The following CELF2 variants were observed in gnomAD, a reference collection of about 807,000 sequenced individuals.
CELF2 encodes the protein CUG triplet repeat RNA-binding protein 2.
In CELF2, 8 loss-of-function variants were observed where a neutral mutation model predicts 62.6. The ratio of observed to expected loss-of-function variants is 0.13; its 90% CI spans 0.07 to 0.23. The LOEUF (loss-of-function observed/expected upper bound fraction) is 0.23. Ranked by LOEUF, CELF2 falls within the 10% of genes least tolerant of loss-of-function variation. The pLI, the probability that CELF2 is intolerant of heterozygous loss-of-function variation, is 1.00. For missense variants in CELF2, 333 were observed against 671.0 expected, an observed-to-expected ratio of 0.50 and a Z score of 5.56; for synonymous variants, 258 against 250.0, an observed-to-expected ratio of 1.03 and a Z score of -0.30.
At chr10:10,595,724 C>T in the CELF2 span, among the ~76,000 whole-genome samples, 2 of 152,058 alleles carry the variant, frequency 1.3e-5, no homozygotes, top group Non-Finnish European at 2.9e-5. Context: ...GTGAAACCCC[C>T]ATCTCTACAA....
the CELF2 span, among the ~76,000 whole-genome samples, chr10:10,789,906 ACTC>A: frequency 6.6e-6 from 1 of 152,078 alleles, no homozygotes; most frequent in Non-Finnish European, 1.5e-5. Context: ...ATTTTTATGA[ACTC>A]AAACATGAAC....
the CELF2 span, among the ~76,000 whole-genome samples, chr10:10,637,128 G>C: frequency 6.6e-6 from 1 of 152,112 alleles, no homozygotes; most frequent in Non-Finnish European, 1.5e-5. Context: ...AACCCAGCTA[G>C]ACTTGTTTTC....
At chr10:10,824,167 A>G (rs758272529) in intron 1 of CELF2, among the ~76,000 whole-genome samples, 25 of 152,222 alleles carry the variant, frequency 1.6e-4, no homozygotes, top group Admixed American at 9.8e-4. Flanking sequence ...ATTAAAGTTT[A>G]AAAATAGAAA....
At chr10:10,682,147 A>G in the CELF2 span, among the ~76,000 whole-genome samples, 5 of 152,282 alleles carry the variant, frequency 3.3e-5, no homozygotes, top group African/African-American at 1.2e-4. Context: ...AATATGGACC[A>G]CCCCGAGTAA....
the CELF2 span, among the ~76,000 whole-genome samples, chr10:10,709,970 G>A: frequency 1.3e-5 from 2 of 152,176 alleles, no homozygotes; most frequent in Non-Finnish European, 2.9e-5. Flanking sequence ...TGATGGCTTT[G>A]TGCTTGTGCG....
At chr10:10,757,002 C>T in the CELF2 span, among the ~76,000 whole-genome samples, 1 of 151,956 alleles carries the variant, frequency 6.6e-6, no homozygotes, top group Admixed American at 6.6e-5. Context: ...ATTAGCCAGG[C>T]GTGGTGGCAC....
At chr10:10,690,023 C>T in the CELF2 span, among the ~76,000 whole-genome samples, 11 of 152,118 alleles carry the variant, frequency 7.2e-5, no homozygotes, top group Non-Finnish European at 1.5e-4. Flanking sequence ...AACTGATGAC[C>T]ATCTCTGTGG....
intron 4 of CELF2, among the ~76,000 whole-genome samples, chr10:11,252,694 C>T (rs1431085226): frequency 6.6e-6 from 1 of 152,192 alleles, no homozygotes; most frequent in Admixed American, 6.5e-5. Flanking sequence ...ATTTAAGCTG[C>T]AGCCTCTGGC....
chr10:11,085,732 C>T (rs2141643371), intron 1 of CELF2, among the ~76,000 whole-genome samples: 1 of 152,228 alleles, frequency 6.6e-6, no homozygotes, highest in East Asian at 1.9e-4. Flanking sequence ...TTTTTGTCCC[C>T]ACCTCCCCAT....
At position 11,211,807 on chromosome 10, in the gene CELF2, AGAGAGAGTGT is replaced by A. The variant is rs748856485; in HGVS notation, c.272-5616_272-5607del. On this transcript the variant is annotated intron_variant, in intron 2 of 12. Coordinates refer to ENST00000633077, the MANE Select transcript of CELF2 (RefSeq NM_001326342.2). The surrounding 1 kb of genome is among the most constrained non-coding windows in gnomAD (Gnocchi z 4.8). ...GTATGTGTGTGAGAGAGAGAGAGAG[AGAGAGAGTGT>A]GTGTGTGTGTGTGTGTGTGTGTGTG... is the stretch of plus-strand genomic sequence containing the variant. Among the ~76,000 whole-genome samples, 192 of 120,728 alleles carry A rather than the reference AGAGAGAGTGT, an allele frequency of 1.6e-3. 1 individual carries two copies. Among genetic ancestry groups the A allele is most frequent in the African/African-American group, 5.6e-3 (157 of 28,152 alleles). The allele number at this position is 120,728 out of a possible 152,430, so 79.2% of individuals were successfully genotyped here.
intron 2 of CELF2, among the ~76,000 whole-genome samples, chr10:11,213,228 C>A (rs1022528820): frequency 2.0e-5 from 3 of 152,196 alleles, no homozygotes; most frequent in African/African-American, 7.2e-5. Context: ...AAGAGCCAGC[C>A]CCTGGGTGTT....
At chr10:10,593,891 C>T in the CELF2 span, among the ~76,000 whole-genome samples, 65 of 152,282 alleles carry the variant, frequency 4.3e-4, no homozygotes, top group African/African-American at 1.4e-3. Context: ...GATACAATAA[C>T]ACCAAATGCA....
chr10:10,694,835 C>G, the CELF2 span, among the ~76,000 whole-genome samples: 5 of 151,386 alleles, frequency 3.3e-5, no homozygotes, highest in African/African-American at 1.2e-4. Context: ...GGATTGCAAC[C>G]CCTGCCTTTT....
At chr10:11,184,814 A>G (rs974600971) in intron 2 of CELF2, among the ~76,000 whole-genome samples, 3 of 152,194 alleles carry the variant, frequency 2.0e-5, no homozygotes, top group African/African-American at 7.2e-5. Context: ...TTCTACGTAA[A>G]TGGTCGTGTC....
At chr10:10,849,057 TTTTC>T (rs1321651317) in intron 1 of CELF2, among the ~76,000 whole-genome samples, 1 of 152,130 alleles carries the variant, frequency 6.6e-6, no homozygotes, top group African/African-American at 2.4e-5. Context: ...TTTTGGCTAA[TTTTC>T]TTTATCTTTC....
intron 1 of CELF2, chr10:11,102,233 C>T (rs2051890175): frequency 6.6e-6 from 1 of 152,202 alleles, no homozygotes; most frequent in African/African-American, 2.4e-5. Flanking sequence ...CTTAAGCCTT[C>T]CTTCCAGTCC....
intron 1 of CELF2, among the ~76,000 whole-genome samples, chr10:10,846,966 G>A (rs1462718272): frequency 6.6e-6 from 1 of 152,076 alleles, no homozygotes; most frequent in African/African-American, 2.4e-5. Context: ...GCCGGCCTAA[G>A]GTTAAGAAAG....
At chr10:10,885,981 A>T (rs2061723812) in intron 1 of CELF2, among the ~76,000 whole-genome samples, 1 of 152,180 alleles carries the variant, frequency 6.6e-6, no homozygotes, top group Admixed American at 6.5e-5. Context: ...TAGACTGTGG[A>T]TGTTTTTGGA....
chr10:10,857,649 G>GTATA (rs779543257), intron 1 of CELF2, among the ~76,000 whole-genome samples: 7,100 of 93,748 alleles, frequency 0.076, 390 homozygotes, highest in East Asian at 0.21. Context: ...CATATATATA[G>GTATA]TATATATATA....
Sources: allele counts gnomAD v4.1 joint callset (sites outside exome capture counted in the v4.1 genomes callset), GRCh38; gene constraint gnomAD v4.1.1; non-coding constraint Gnocchi (gnomAD v3.1); transcripts MANE v1.5; gene names NCBI Gene and HGNC (gene_info 2026-07-23, HGNC 2026-07-21).